SRSF11: variants seen among roughly 807,000 people sequenced by gnomAD.
SRSF11 encodes the protein serine/arginine-rich splicing factor 11.
In SRSF11, 9 loss-of-function variants were observed where a neutral mutation model predicts 56.0. The observed-to-expected ratio is 0.16, with a 90% CI of 0.10 to 0.28. The LOEUF is 0.28. Among genes scored for constraint, SRSF11 ranks in the 10% least tolerant of loss-of-function variants. SRSF11 has a pLI of 1.00. For missense variants in SRSF11, 421 were observed against 600.7 expected (o/e 0.70, Z 3.13); for synonymous variants, 222 against 215.3 (o/e 1.03, Z -0.27).
At chr1:70,223,555 C>A (rs1185171372) in intron 1 of SRSF11, among the ~76,000 whole-genome samples, 3 of 152,168 alleles carry the variant, frequency 2.0e-5, no homozygotes, top group Admixed American at 2.0e-4. Flanking sequence ...GGACTCCCTT[C>A]CCAGTATTGG....
rs965560621 is a variant in SRSF11 at position 70,229,765 on chromosome 1, A to G, written c.337+1210A>G. ...TTGTGAAATGTCTAGTCCTTAACAGAGAAGTTGCCTCTGGTTTTCTAAAGA... is the reference window on the plus strand; with the variant it reads ...TTGTGAAATGTCTAGTCCTTAACAGGGAAGTTGCCTCTGGTTTTCTAAAGA... On this transcript the variant is annotated intron_variant, in intron 2 of 11. Coordinates refer to ENST00000370949, the MANE Select transcript of SRSF11 (RefSeq NM_001350605.2). 4.1e-6 allele frequency: 4 copies of G among 984,274 alleles called. No homozygotes were observed. The African/African-American group carries it at 7.0e-5, about 17-fold the overall frequency. The allele number at this position is 984,274 out of a possible 1,614,324, so 61.0% of individuals were successfully genotyped here.
Position 70,208,566 on chromosome 1 carries a change from G to A in SRSF11, c.-26+2786G>A, listed in dbSNP as rs367901654. Among the ~76,000 whole-genome samples, 33 of 152,268 alleles carry A rather than the reference G, an allele frequency of 2.2e-4. No homozygotes were observed. The South Asian group carries it at 5.8e-3, about 27-fold the overall frequency. On this transcript the variant is annotated intron_variant, in intron 1 of 12. Transcript: ENST00000370950. ...TTGGCCAGATTGGTCTCAAACTCCT[G>A]GCCTCATGTGATCCACCTGCCTCGG...
upstream of SRSF11, chr1:70,218,697 T>C (rs1670240671): frequency 6.6e-6 from 1 of 152,210 alleles, no homozygotes; most frequent in South Asian, 2.1e-4. Flanking sequence ...GCGTGGCATA[T>C]AGTAGGCACT....
At chr1:70,232,080 A>C (rs961897785) in intron 2 of SRSF11, 188 bp from the exon 3 acceptor site, 1 of 1,534,776 alleles carries the variant, frequency 6.5e-7, no homozygotes, top group African/African-American at 1.4e-5. Context: ...ACAAATTTTC[A>C]CACATTGAAG....
chr1:70,217,326 T>C (rs1670101654), upstream of SRSF11, among the ~76,000 whole-genome samples: 1 of 152,088 alleles, frequency 6.6e-6, no homozygotes, highest in Admixed American at 6.5e-5. Context: ...GCTCGGCTAA[T>C]TTTGTATTTT....
chr1:70,226,553 G>A (rs545889261), intron 1 of SRSF11, among the ~76,000 whole-genome samples: 2 of 152,212 alleles, frequency 1.3e-5, no homozygotes, highest in Admixed American at 6.5e-5. Context: ...CTTTTAATAA[G>A]ATAACAATAA....
intron 1 of SRSF11, among the ~76,000 whole-genome samples, chr1:70,206,241 A>G (rs1020177198): frequency 2.0e-5 from 3 of 152,234 alleles, no homozygotes; most frequent in East Asian, 3.8e-4. Context: ...AGTGAAGCTC[A>G]GACAGCTTGG....
At chr1:70,212,135 A>C (rs6702168) in intron 1 of SRSF11, among the ~76,000 whole-genome samples, 15,208 of 152,114 alleles carry the variant, frequency 0.1, 901 homozygotes, top group East Asian at 0.3. Context: ...TAAGAACTAA[A>C]ATTGTTTAAT....
At chr1:70,250,312 CTCA>C (rs1677710878) in intron 10 of SRSF11, 50 bp from the exon 11 acceptor site, 1 of 1,594,674 alleles carries the variant, frequency 6.3e-7, no homozygotes, top group Non-Finnish European at 8.5e-7. Context: ...TTGAGTCAGG[CTCA>C]TCATCTAAAC....
chr1:70,240,913 C>T (rs1287698195), intron 7 of SRSF11, among the ~76,000 whole-genome samples: 1 of 151,934 alleles, frequency 6.6e-6, no homozygotes, highest in East Asian at 1.9e-4. Flanking sequence ...GCTGGGATTA[C>T]AGGTGTGTGC....
At chr1:70,221,932 C>G in intron 1 of SRSF11, 93 bp downstream of exon 1, 1 of 1,529,640 alleles carries the variant, frequency 6.5e-7, no homozygotes, top group African/African-American at 1.4e-5. Flanking sequence ...GCTGCTTCCC[C>G]GGGCCAGGCT....
At chr1:70,221,885 C>G (rs749592816) in intron 1 of SRSF11, 46 bp downstream of exon 1, 5 of 1,609,036 alleles carry the variant, frequency 3.1e-6, no homozygotes, top group Non-Finnish European at 4.2e-6. Flanking sequence ...CCGCCTCAGC[C>G]TGGGCCTAAC....
intron 1 of SRSF11, among the ~76,000 whole-genome samples, chr1:70,215,329 C>A (rs772704884): frequency 6.6e-6 from 1 of 152,170 alleles, no homozygotes; most frequent in South Asian, 2.1e-4. Context: ...AAATTTCCCT[C>A]TAAATGGAAC....
intron 1 of SRSF11, among the ~76,000 whole-genome samples, chr1:70,210,161 C>G (rs897653848): frequency 2.0e-5 from 3 of 151,622 alleles, no homozygotes; most frequent in African/African-American, 7.3e-5. Context: ...GCTCCCGCCC[C>G]CCTTTTTTTT....
At chr1:70,229,577 T>A in intron 2 of SRSF11, 1 of 984,892 alleles carries the variant, frequency 1.0e-6, no homozygotes, top group Non-Finnish European at 1.2e-6. Flanking sequence ...ATAAAACTGC[T>A]GGATTTTAAG....
At chr1:70,232,904 T>C (rs1193528100) in intron 3 of SRSF11, among the ~76,000 whole-genome samples, 2 of 152,216 alleles carry the variant, frequency 1.3e-5, no homozygotes, top group Non-Finnish European at 1.5e-5. Context: ...GAAGCTTATT[T>C]TAGAACTAAA....
intron 3 of SRSF11, 33 bp downstream of exon 3, chr1:70,232,410 GA>G: frequency 1.3e-6 from 2 of 1,514,588 alleles, no homozygotes; most frequent in Non-Finnish European, 1.8e-6. Flanking sequence ...AAAGGGTGGG[GA>G]AAAAAACAGA....
chr1:70,221,907 C>T (rs1670724575), intron 1 of SRSF11, 68 bp downstream of exon 1: 12 of 1,578,972 alleles, frequency 7.6e-6, no homozygotes, highest in African/African-American at 2.7e-5. Flanking sequence ...CACACAATTT[C>T]CTTAGGCCCC....
At chr1:70,239,407 C>A (rs1176565914) in intron 6 of SRSF11, 32 bp from the exon 7 acceptor site, 7 of 1,519,390 alleles carry the variant, frequency 4.6e-6, no homozygotes, top group Non-Finnish European at 6.3e-6. Context: ...TTAATAACTT[C>A]TAAATGCAGG....
Sources: allele counts gnomAD v4.1 joint callset (sites outside exome capture counted in the v4.1 genomes callset), GRCh38; gene constraint gnomAD v4.1.1; transcripts MANE v1.5; gene names NCBI Gene and HGNC (gene_info 2026-07-23, HGNC 2026-07-21).